WNT5A: variants seen among roughly 807,000 people sequenced by gnomAD.
WNT5A encodes Wnt family member 5A.
WNT5A carries 9 observed loss-of-function variants against 42.1 expected under a neutral mutation model. That is an observed-to-expected ratio of 0.21 (90% CI 0.13 to 0.37). The LOEUF is 0.37. Among genes scored for constraint, WNT5A ranks in the 10% least tolerant of loss-of-function variants. The probability of loss-of-function intolerance (pLI) is 1.00; values close to 1 mark genes in which losing one functional copy is unlikely to be tolerated. For missense variants in WNT5A, 426 were observed against 534.0 expected (o/e 0.80, Z 1.99); for synonymous variants, 210 against 210.0 (o/e 1.00, Z 0.00).
intron 1 of WNT5A, among the ~76,000 whole-genome samples, chr3:55,484,733 C>CAT (rs2051542967): frequency 7.2e-6 from 1 of 139,064 alleles, no homozygotes; most frequent in Non-Finnish European, 1.6e-5. Flanking sequence ...CACACACACA[C>CAT]CACTCACACC....
Position 55,468,775 on chromosome 3 carries a change from A to G in WNT5A, c.*1317T>C, listed in dbSNP as rs1305463090. ...AACAGTTTTAAGGTACACCTGCAGT[A>G]CAATAGGAGAAGCATGAGTGGATAA... On this transcript the variant is annotated 3_prime_UTR_variant, in exon 5 of 5. Coordinates refer to ENST00000264634, the MANE Select transcript of WNT5A (RefSeq NM_003392.7). 1 of 152,608 alleles carries G rather than the reference A, an allele frequency of 6.6e-6. No homozygotes were observed. The highest frequency in any genetic ancestry group is 6.5e-5 in the Admixed American group (1 of 15,272). The allele number at this position is 152,608 out of a possible 1,614,324, so 9.5% of individuals were successfully genotyped here.
At chr3:55,493,546 T>C (rs1177050202), upstream of WNT5A, among the ~76,000 whole-genome samples, 1 of 134,234 alleles carries the variant, frequency 7.4e-6, no homozygotes, top group Non-Finnish European at 1.6e-5. Flanking sequence ...TTTCTCTCAA[T>C]AGAAAATAAG....
chr3:55,478,601 C>G (rs1338567353), intron 3 of WNT5A, among the ~76,000 whole-genome samples: 1 of 152,060 alleles, frequency 6.6e-6, no homozygotes, highest in African/African-American at 2.4e-5. Context: ...ATTTGAAATG[C>G]TATCTCTTTG....
intron 2 of WNT5A, among the ~76,000 whole-genome samples, chr3:55,480,515 G>A (rs2106952563): frequency 6.6e-6 from 1 of 152,256 alleles, no homozygotes; most frequent in Admixed American, 6.5e-5. Flanking sequence ...ATTGCATGAT[G>A]TACTACAAGC....
In WNT5A at chr3:55,469,838, A is replaced by C. The variant is rs1473036753; in HGVS notation, c.*254T>G. On this transcript the variant is annotated 3_prime_UTR_variant, in exon 5 of 5. Transcript: ENST00000264634. ...CCCTTCATTCTATACTATCAAAAGA[A>C]GTCTTGTATTACCTTTTCAAAGATC... 4.7e-6 allele frequency: 2 copies of C among 422,522 alleles called. No individual in the cohort carries two copies. The highest frequency in any genetic ancestry group is 8.4e-6 in the Non-Finnish European group (2 of 238,400). The allele number at this position is 422,522 out of a possible 1,614,324, so 26.2% of individuals were successfully genotyped here. A position where few individuals can be genotyped will look rare whatever the true frequency, so the allele number is the denominator to read the frequency against.
upstream of WNT5A, chr3:55,494,081 C>T (rs1310627586): frequency 6.6e-6 from 1 of 152,162 alleles, no homozygotes; most frequent in Non-Finnish European, 1.5e-5. Flanking sequence ...TATAGATTAA[C>T]CGGTTCTGGG....
intron 1 of WNT5A, among the ~76,000 whole-genome samples, chr3:55,486,214 G>T (rs2051575166): frequency 6.6e-6 from 1 of 152,182 alleles, no homozygotes; most frequent in Non-Finnish European, 1.5e-5. Flanking sequence ...TCCGCTCAGG[G>T]GGCCGGGGAG....
At chr3:55,473,027 G>A (rs1340121343) in intron 4 of WNT5A, among the ~76,000 whole-genome samples, 1 of 151,986 alleles carries the variant, frequency 6.6e-6, no homozygotes, top group Non-Finnish European at 1.5e-5. Context: ...GGAAAACTGA[G>A]GCTCAGAAAA....
At chr3:55,500,375 C>A in the WNT5A span, among the ~76,000 whole-genome samples, 2 of 152,228 alleles carry the variant, frequency 1.3e-5, no homozygotes, top group Non-Finnish European at 2.9e-5. Flanking sequence ...AATGGATGGC[C>A]ATGAATACCC....
At position 55,483,074 on chromosome 3, in the gene WNT5A, G is replaced by A. The variant is rs376711950; in HGVS notation, c.7-2156C>T. On this transcript the variant is annotated intron_variant, in intron 1 of 4. Transcript: ENST00000264634. The surrounding 1 kb of genome is among the most constrained non-coding windows in gnomAD (Gnocchi z 4.2). ...CAGAGAAATTGATAACAGATTCGGC[G>A]GATTACAGCGGATCTCTTTGTTAGA... 1.1e-3 allele frequency among the ~76,000 whole-genome samples: 160 copies of A among 152,264 alleles called. No individual in the cohort carries two copies. Among genetic ancestry groups the A allele is most frequent in the African/African-American group, 3.5e-3 (145 of 41,562 alleles).
In WNT5A at chr3:55,466,013, A is replaced by G. The variant is rs2051136762; in HGVS notation, c.*4079T>C. On this transcript the variant is annotated 3_prime_UTR_variant, in exon 5 of 5. Transcript: ENST00000264634. The stretch of plus-strand genomic sequence containing the variant: ...AAATAAAATATCCAATCATCAGATT[A>G]AAGTGTAAAGTTTGTGTGAACAGGG... 6.6e-6 allele frequency: 1 copy of G among 152,220 alleles called. No individual in the cohort carries two copies. The highest frequency in any genetic ancestry group is 1.5e-5 in the Non-Finnish European group (1 of 68,032). The allele number at this position is 152,220 out of a possible 1,614,324, so 9.4% of individuals were successfully genotyped here.
At chr3:55,486,009 TG>T (rs1170670333) in intron 1 of WNT5A, among the ~76,000 whole-genome samples, 1 of 152,190 alleles carries the variant, frequency 6.6e-6, no homozygotes, top group Non-Finnish European at 1.5e-5. Context: ...TAAGAAAAAT[TG>T]TTTAGAAAAT....
In WNT5A at chr3:55,474,449, C is replaced by A; in HGVS notation, c.572G>T (p.Arg191Leu). Reference sequence around the variant, plus strand: ...GGCGTCCACGAACTCCTTGGCAAAGCGGTAGCCATAGTCGATGTTGTCGCC... The same window carrying A: ...GGCGTCCACGAACTCCTTGGCAAAGAGGTAGCCATAGTCGATGTTGTCGCC... ...GCGDNIDYGY[R>L]FAKEFVDARE... Residue 191 changes from arginine (R) to leucine (L), a missense_variant, in exon 4 of 5, where the codon CGC (arginine) becomes CTC (leucine). Arg to Leu is a moderately radical substitution (Grantham distance 102). Around this residue, in one of 3 missense-constraint regions of WNT5A, gnomAD observed 358 missense variants for 468.1 expected, o/e 0.76. Coordinates refer to ENST00000264634, the MANE Select transcript of WNT5A (RefSeq NM_003392.7). 3 of 1,608,986 alleles carry A rather than the reference C, an allele frequency of 1.9e-6. No individual in the cohort carries two copies. Among genetic ancestry groups the A allele is most frequent in the Non-Finnish European group, 2.5e-6 (3 of 1,178,778 alleles).
the WNT5A span, among the ~76,000 whole-genome samples, chr3:55,496,366 C>G: frequency 5.1e-4 from 77 of 152,264 alleles, no homozygotes; most frequent in Non-Finnish European, 9.4e-4. Context: ...GGCAAAAGAT[C>G]CCCATGTCAT....
rs1204274037 is a variant in WNT5A, at chr3:55,487,069, C to A, written c.-84G>T. On this transcript the variant is annotated 5_prime_UTR_variant, in exon 1 of 5. It adds an upstream start codon to the 5' untranslated region. Transcript: ENST00000264634. Reference sequence around the variant, plus strand: ...TCCGAGCGGAGCGACCGGGTTAAGCCTGGGGGGACGGTCAGGAGCAGGGCT... The same window carrying A: ...TCCGAGCGGAGCGACCGGGTTAAGCATGGGGGGACGGTCAGGAGCAGGGCT... 4.0e-6 allele frequency: 5 copies of A among 1,262,530 alleles called. No homozygotes were observed. The highest frequency in any genetic ancestry group is 2.6e-5 in the South Asian group (2 of 76,438). 78.2% of individuals were successfully genotyped at this position (1,262,530 alleles called of 1,614,324 possible).
the WNT5A span, chr3:55,497,542 C>G: frequency 2.0e-5 from 3 of 152,266 alleles, no homozygotes; most frequent in African/African-American, 7.2e-5. Context: ...CACTACCCCA[C>G]AGCAAATACA....
chr3:55,502,513 T>C, the WNT5A span, among the ~76,000 whole-genome samples: 57 of 152,222 alleles, frequency 3.7e-4, no homozygotes, highest in African/African-American at 1.3e-3. Context: ...GAACATCAAC[T>C]AGAGTTTGGG....
At chr3:55,498,784 C>T in the WNT5A span, among the ~76,000 whole-genome samples, 1 of 151,636 alleles carries the variant, frequency 6.6e-6, no homozygotes, top group African/African-American at 2.4e-5. Context: ...TTTTTTTTTC[C>T]CCAATAGAGA....
the WNT5A span, among the ~76,000 whole-genome samples, chr3:55,498,267 C>T: frequency 6.6e-6 from 1 of 152,164 alleles, no homozygotes; most frequent in African/African-American, 2.4e-5. Context: ...GACTTGATTT[C>T]CAGGGGGATC....
Sources: allele counts gnomAD v4.1 joint callset (sites outside exome capture counted in the v4.1 genomes callset), GRCh38; gene constraint gnomAD v4.1.1; regional missense constraint gnomAD v4.1.1; non-coding constraint Gnocchi (gnomAD v3.1); transcripts MANE v1.5; gene names NCBI Gene and HGNC (gene_info 2026-07-23, HGNC 2026-07-21).